The following MTCL1 variants were observed in gnomAD, a reference collection of about 807,000 sequenced individuals.
MTCL1 encodes microtubule cross-linking factor 1.
A neutral mutation model predicts 141.4 loss-of-function variants in MTCL1; 79 were observed. The ratio of observed to expected loss-of-function variants is 0.56; its 90% CI spans 0.47 to 0.67. MTCL1 has a LOEUF of 0.67. MTCL1 is among the 30% of genes least tolerant of loss of function. The pLI is 0.00. For missense variants in MTCL1, 2,177 were observed against 2,113.9 expected, an observed-to-expected ratio of 1.03 and a Z score of -0.59; for synonymous variants, 914 against 875.8, an observed-to-expected ratio of 1.04 and a Z score of -0.77.
intron 11 of MTCL1, chr18:8,809,399 G>C: frequency 6.6e-7 from 1 of 1,523,728 alleles, no homozygotes; most frequent in Non-Finnish European, 8.8e-7. Context: ...AGGAAGTATG[G>C]AATGAAAGAA....
At position 8,829,226 on chromosome 18, in the gene MTCL1, A is replaced by G. The variant is rs557426864; in HGVS notation, c.*18+262A>G. The stretch of plus-strand genomic sequence containing the variant: ...TCTGCTGAGATTTCTCCGCTTTTGT[A>G]CATTTGCAGCCAATATGCTTTCAGA... On this transcript the variant is annotated intron_variant, in intron 16 of 16. Coordinates refer to ENST00000359865, the Ensembl canonical transcript of MTCL1. The G allele has an allele frequency of 4.4e-5, 43 of 985,428 alleles. 1 individual carries two copies. The South Asian group carries it at 1.6e-3, about 37-fold the overall frequency. 61.0% of individuals were successfully genotyped at this position (985,428 alleles called of 1,614,324 possible). A position where few individuals can be genotyped will look rare whatever the true frequency, so the allele number is the denominator to read the frequency against.
intron 4 of MTCL1, among the ~76,000 whole-genome samples, chr18:8,754,990 G>A (rs932401591): frequency 2.0e-5 from 3 of 152,158 alleles, no homozygotes; most frequent in African/African-American, 7.2e-5. Context: ...TCCTGCAGGG[G>A]TTATCTTGAA....
At chr18:8,780,292 C>T (rs566455625) in intron 5 of MTCL1, among the ~76,000 whole-genome samples, 10 of 152,352 alleles carry the variant, frequency 6.6e-5, no homozygotes, top group African/African-American at 2.2e-4. Flanking sequence ...AAAAGCTTCC[C>T]GCACCATGCA....
In MTCL1 at chr18:8,826,226, C is replaced by T. The variant is rs1357886434; in HGVS notation, c.4716C>T (p.Pro1572=). 13 of 1,593,358 alleles carry T rather than the reference C, an allele frequency of 8.2e-6. No homozygotes were observed. In the Admixed American group the frequency reaches 1.9e-4, roughly 23 times the overall value. The change falls in exon 15 of 17, where the codon CCC becomes CCT. Residue 1572 remains proline (P), a synonymous_variant. Coordinates refer to ENST00000359865, the Ensembl canonical transcript of MTCL1. ...TGGGGGACACAGCCGAGCCAGGGCC[C>T]ATGGAGGTAATGAATGCTGAGTGCC... is the stretch of plus-strand genomic sequence containing the variant.
chr18:8,823,126 G>A (rs546335170), intron 14 of MTCL1, among the ~76,000 whole-genome samples: 2 of 152,180 alleles, frequency 1.3e-5, no homozygotes, highest in Admixed American at 1.3e-4. Context: ...GATTCTGACT[G>A]CCCGGTATGT....
chr18:8,725,998 A>G (rs1376212248), intron 4 of MTCL1, among the ~76,000 whole-genome samples: 1 of 151,776 alleles, frequency 6.6e-6, no homozygotes, highest in Admixed American at 6.6e-5. Context: ...TCACCATGTT[A>G]GCCAGGATGG....
chr18:8,730,673 T>C (rs1248067695), intron 4 of MTCL1, among the ~76,000 whole-genome samples: 1 of 152,196 alleles, frequency 6.6e-6, no homozygotes, highest in Non-Finnish European at 1.5e-5. Flanking sequence ...TTATTTCCTG[T>C]GCAGTCTCGC....
intron 4 of MTCL1, among the ~76,000 whole-genome samples, chr18:8,750,083 AC>A (rs202157041): frequency 0.012 from 1,783 of 151,974 alleles, 40 homozygotes; most frequent in African/African-American, 0.037. Flanking sequence ...TCATTCCATC[AC>A]CCAGGCTGGA....
exon 17 of MTCL1, chr18:8,831,985 T>C: frequency 1.4e-6 from 1 of 727,458 alleles, no homozygotes; most frequent in Non-Finnish European, 2.2e-6. Flanking sequence ...AATGAAACAG[T>C]AAATGTGCCT....
At chr18:8,720,467 C>G in exon 4 of MTCL1, 2 of 1,614,022 alleles carry the variant, frequency 1.2e-6, no homozygotes, top group Non-Finnish European at 1.7e-6. Context: ...CAAACAGGCC[C>G]TCCAGAATGA....
chr18:8,807,380 A>G lies in MTCL1; in HGVS notation c.2604+320A>G, dbSNP rs576601274. 3.9e-5 allele frequency among the ~76,000 whole-genome samples: 6 copies of G among 152,366 alleles called. No homozygotes were observed. In the East Asian group the frequency reaches 7.7e-4, roughly 20 times the overall value. ...GAAGCTGTCATCACACTGAGCTGAC[A>G]TAACTCTAGACAGGAGCAAAGCAAA... On this transcript the variant is annotated intron_variant, in intron 11 of 16. Coordinates refer to ENST00000359865, the Ensembl canonical transcript of MTCL1.
At position 8,760,559 on chromosome 18, in the gene MTCL1, G is replaced by C. The variant is rs188844251; in HGVS notation, c.358-17274G>C. Among the ~76,000 whole-genome samples the C allele has an allele frequency of 1.1e-3, 166 of 152,340 alleles. 1 individual carries two copies. The highest frequency in any genetic ancestry group is 3.3e-3 in the African/African-American group (138 of 41,582). On this transcript the variant is annotated intron_variant, in intron 4 of 16. Transcript: ENST00000359865. ...ACTTCTCAGTCAATACAGAGGGTCA[G>C]CTAGAGCTATATCAGGAATAGAAAG...
intron 12 of MTCL1, among the ~76,000 whole-genome samples, chr18:8,816,166 T>C (rs954169457): frequency 6.6e-6 from 1 of 152,320 alleles, no homozygotes; most frequent in Middle Eastern, 3.4e-3. Context: ...AGTTATTGGG[T>C]TGCTTGTTCA....
At chr18:8,794,616 A>G (rs1014218690) in intron 8 of MTCL1, among the ~76,000 whole-genome samples, 1 of 152,226 alleles carries the variant, frequency 6.6e-6, no homozygotes, top group East Asian at 1.9e-4. Context: ...CTTGCCCAGC[A>G]TGAGTCAGTT....
At chr18:8,766,143 A>G (rs1208141982) in intron 4 of MTCL1, among the ~76,000 whole-genome samples, 2 of 152,186 alleles carry the variant, frequency 1.3e-5, no homozygotes, top group Admixed American at 6.5e-5. Context: ...AAGACAAAAC[A>G]TGAGATTGAT....
At position 8,788,040 on chromosome 18, in the gene MTCL1, A is replaced by G. The variant is rs530472502; in HGVS notation, c.1887+1949A>G. Among the ~76,000 whole-genome samples, 4 of 152,282 alleles carry G rather than the reference A, an allele frequency of 2.6e-5. No individual in the cohort carries two copies. In the East Asian group the frequency reaches 7.7e-4, roughly 29 times the overall value. ...GGGCAGAACTCTTAAAAGCCTTTTA[A>G]TGAGAATATCCCTGAATTTGCTGCC... On this transcript the variant is annotated intron_variant, in intron 7 of 16. Transcript: ENST00000359865.
rs566691993 is a variant in MTCL1 at position 8,791,498 on chromosome 18, G to A, written c.1888-1500G>A. On this transcript the variant is annotated intron_variant, in intron 7 of 16. Coordinates refer to ENST00000359865, the Ensembl canonical transcript of MTCL1. ...CACACAAGCCAGTAACGTCCAACAG[G>A]GACACAAGTTGGCAGACACGGCAAA... 2.1e-4 allele frequency among the ~76,000 whole-genome samples: 31 copies of A among 150,582 alleles called. No individual in the cohort carries two copies. The South Asian group carries it at 4.1e-3, about 20-fold the overall frequency.
chr18:8,793,597 T>G (rs1372888389), intron 8 of MTCL1, among the ~76,000 whole-genome samples: 8 of 152,178 alleles, frequency 5.3e-5, no homozygotes, highest in Admixed American at 2.6e-4. Context: ...TAATTATCTT[T>G]TATCTGCAAA....
intron 5 of MTCL1, among the ~76,000 whole-genome samples, chr18:8,778,690 C>A (rs1478483675): frequency 6.6e-6 from 1 of 152,220 alleles, no homozygotes; most frequent in East Asian, 1.9e-4. Context: ...GCAGAAAGCT[C>A]AACTGTTCCC....
Sources: allele counts gnomAD v4.1 joint callset (sites outside exome capture counted in the v4.1 genomes callset), GRCh38; gene constraint gnomAD v4.1.1; transcripts MANE v1.5; gene names NCBI Gene and HGNC (gene_info 2026-07-23, HGNC 2026-07-21).